Variants in LRRC69 observed in about 807,000 individuals in gnomAD.
LRRC69 encodes the protein leucine-rich repeat-containing protein 69.
LRRC69 carries 42 observed loss-of-function variants against 37.8 expected under a neutral mutation model. The observed-to-expected ratio is 1.11, with a 90% CI of 0.87 to 1.44. The LOEUF (loss-of-function observed/expected upper bound fraction) is 1.44. Ranked by LOEUF, LRRC69 falls within the 40% of genes most tolerant of loss-of-function variation. The pLI is 0.00. For synonymous variants in LRRC69, 141 were observed against 143.1 expected (o/e 0.99, Z 0.11); for missense variants, 357 against 401.9 (o/e 0.89, Z 0.96).
intron 7 of LRRC69, among the ~76,000 whole-genome samples, chr8:91,201,094 T>G (rs144244277): frequency 3.6e-3 from 556 of 152,352 alleles, no homozygotes; most frequent in Admixed American, 5.2e-3. Flanking sequence ...AAACCAGAAC[T>G]AAATTCTTCT....
At chr8:91,185,060 G>GCAT in intron 5 of LRRC69, among the ~76,000 whole-genome samples, 1 of 152,178 alleles carries the variant, frequency 6.6e-6, no homozygotes, top group East Asian at 1.9e-4. Flanking sequence ...ACACAGGCAG[G>GCAT]GTGGAAGTAG....
chr8:91,104,316 T>C (rs1439958336), intron 1 of LRRC69, among the ~76,000 whole-genome samples: 1 of 152,032 alleles, frequency 6.6e-6, no homozygotes, highest in Non-Finnish European at 1.5e-5. Flanking sequence ...TTTTTACTTT[T>C]ATAACACTTA....
At position 91,211,431 on chromosome 8, in the gene LRRC69, TA is replaced by T. The variant is rs374291470; in HGVS notation, c.934-7451del. ...ATATATATTACTAGATGTTAGCAGT[TA>T]AAAAAAATTTAAATGCCGTTCATAA... On this transcript the variant is annotated intron_variant, in intron 7 of 7. Coordinates refer to ENST00000448384, the Ensembl canonical transcript of LRRC69. Among the ~76,000 whole-genome samples the T allele has an allele frequency of 4.6e-3, 702 of 151,166 alleles. 5 individuals are homozygous for T. The highest frequency in any genetic ancestry group is 0.016 in the African/African-American group (672 of 41,392).
chr8:91,107,056 C>T (rs1813327414), intron 1 of LRRC69, among the ~76,000 whole-genome samples: 1 of 151,708 alleles, frequency 6.6e-6, no homozygotes, highest in African/African-American at 2.4e-5. Flanking sequence ...CCCACCTCAG[C>T]CTCCCAAAGT....
At chr8:91,197,332 G>A (rs1262116186) in intron 6 of LRRC69, among the ~76,000 whole-genome samples, 2 of 152,190 alleles carry the variant, frequency 1.3e-5, no homozygotes, top group African/African-American at 2.4e-5. Context: ...GGAGCCTACA[G>A]AGGCAGGCAG....
At chr8:91,177,846 T>TTTTC (rs1428545115) in intron 5 of LRRC69, among the ~76,000 whole-genome samples, 2 of 95,902 alleles carry the variant, frequency 2.1e-5, no homozygotes, top group African/African-American at 8.9e-5. Flanking sequence ...TGTTTTCTGC[T>TTTTC]TTTCTTTTTT....
intron 6 of LRRC69, among the ~76,000 whole-genome samples, chr8:91,193,067 G>A (rs1004536498): frequency 1.7e-4 from 25 of 147,120 alleles, no homozygotes; most frequent in African/African-American, 5.5e-4. Context: ...TCTACATATG[G>A]CTAGCCAGTT....
intron 5 of LRRC69, among the ~76,000 whole-genome samples, chr8:91,188,049 C>T (rs565817176): frequency 3.9e-4 from 60 of 152,256 alleles, no homozygotes; most frequent in African/African-American, 1.2e-3. Context: ...CTTCTCATTT[C>T]AGCACACTGA....
chr8:91,180,128 C>T (rs1392343095), intron 5 of LRRC69, among the ~76,000 whole-genome samples: 1 of 152,162 alleles, frequency 6.6e-6, no homozygotes, highest in Non-Finnish European at 1.5e-5. Flanking sequence ...AATTTAGCTG[C>T]TTAAAGCATC....
At chr8:91,147,407 C>T (rs1305192585) in intron 5 of LRRC69, among the ~76,000 whole-genome samples, 2 of 150,610 alleles carry the variant, frequency 1.3e-5, no homozygotes, top group East Asian at 1.9e-4. Flanking sequence ...CCATATAATA[C>T]TTCATTTAAA....
rs147431106 is a variant in LRRC69 at position 91,200,682 on chromosome 8, C to T, written c.823C>T (p.Arg275Trp). The T allele has an allele frequency of 1.1e-3, 1,671 of 1,520,416 alleles. 11 individuals carry two copies. The African/African-American group carries it at 0.018, about 16-fold the overall frequency. The allele number at this position is 1,520,416 out of a possible 1,614,324, so 94.2% of individuals were successfully genotyped here. A position where few individuals can be genotyped will look rare whatever the true frequency, so the allele number is the denominator to read the frequency against. The stretch of plus-strand genomic sequence containing the variant: ...CCCTTTCCTAATGGATGACATAGAA[C>T]GGTACCCACAAGTCAGGAGCATGAT... The change falls in exon 7 of 8, where the codon CGG becomes TGG. Residue 275 changes from arginine (R) to tryptophan (W), a missense_variant. Physicochemically the swap from Arg to Trp is moderately radical, Grantham distance 101. Coordinates refer to ENST00000448384, the Ensembl canonical transcript of LRRC69.
At chr8:91,106,901 T>C (rs952303701) in intron 1 of LRRC69, among the ~76,000 whole-genome samples, 3 of 151,898 alleles carry the variant, frequency 2.0e-5, no homozygotes, top group East Asian at 3.9e-4. Context: ...CAAGTGATCC[T>C]CCTACTTCAG....
At chr8:91,141,257 T>C (rs1808529095) in intron 5 of LRRC69, among the ~76,000 whole-genome samples, 2 of 152,060 alleles carry the variant, frequency 1.3e-5, no homozygotes, top group Admixed American at 1.3e-4. Flanking sequence ...TAGCAAAATA[T>C]CACAAACTGG....
At chr8:91,162,562 G>T (rs1237813045) in intron 5 of LRRC69, among the ~76,000 whole-genome samples, 3 of 151,240 alleles carry the variant, frequency 2.0e-5, no homozygotes, top group Non-Finnish European at 4.4e-5. Flanking sequence ...TCTAATGTAA[G>T]TATAGTTACT....
chr8:91,192,660 A>C, intron 6 of LRRC69, among the ~76,000 whole-genome samples: 1 of 152,058 alleles, frequency 6.6e-6, no homozygotes. Context: ...AGAAGTGTCT[A>C]TTCATGTCCT....
intron 1 of LRRC69, among the ~76,000 whole-genome samples, chr8:91,117,286 G>C (rs1191823282): frequency 6.6e-6 from 1 of 151,952 alleles, no homozygotes; most frequent in Non-Finnish European, 1.5e-5. Context: ...TAATGCTACA[G>C]GCAGGCAGTA....
At chr8:91,131,610 AG>A (rs1813810983) in intron 3 of LRRC69, among the ~76,000 whole-genome samples, 1 of 151,882 alleles carries the variant, frequency 6.6e-6, no homozygotes, top group African/African-American at 2.4e-5. Context: ...TATTTCATGA[AG>A]GTTTTTTTAT....
chr8:91,110,305 A>G lies in LRRC69; in HGVS notation c.183+7461A>G, dbSNP rs1813387139. Among the ~76,000 whole-genome samples the G allele has an allele frequency of 1.3e-5, 2 of 152,108 alleles. 1 individual carries two copies. Among genetic ancestry groups the G allele is most frequent in the Admixed American group, 1.3e-4 (2 of 15,258 alleles). ...ATTTAGTTTAGGAAGACAGTCTTCC[A>G]GATAAAGATGGACATTTGAGAATTT... On this transcript the variant is annotated intron_variant, in intron 1 of 7. Coordinates refer to ENST00000448384, the Ensembl canonical transcript of LRRC69.
chr8:91,201,930 G>A (rs899986123), intron 7 of LRRC69, among the ~76,000 whole-genome samples: 1 of 152,176 alleles, frequency 6.6e-6, no homozygotes, highest in Non-Finnish European at 1.5e-5. Flanking sequence ...TTTAGGCTGG[G>A]TGCGGTGGCT....
Sources: gnomAD v4.1 joint callset for allele counts (sites outside exome capture counted in the v4.1 genomes callset) on GRCh38, gnomAD v4.1.1 for gene constraint, MANE v1.5 for transcripts, NCBI Gene and HGNC (gene_info 2026-07-23, HGNC 2026-07-21) for gene names.